Variants in CACNB2 observed in about 807,000 individuals in gnomAD.
The protein encoded by CACNB2 is voltage-dependent L-type calcium channel subunit beta-2.
A neutral mutation model predicts 73.3 loss-of-function variants in CACNB2; 42 were observed. The ratio of observed to expected loss-of-function variants is 0.57; its 90% confidence interval spans 0.45 to 0.74. CACNB2 has a LOEUF of 0.74. Among genes scored for constraint, CACNB2 ranks in the 30% least tolerant of loss-of-function variants. CACNB2 has a pLI of 0.00. For synonymous variants in CACNB2, 348 were observed against 310.3 expected (o/e 1.12, Z -1.28); for missense variants, 940 against 853.0 (o/e 1.10, Z -1.27).
chr10:18,424,548 G>T (rs560059382), intron 3 of CACNB2, among the ~76,000 whole-genome samples: 3 of 152,018 alleles, frequency 2.0e-5, no homozygotes, highest in African/African-American at 7.2e-5. Context: ...CAGTCTGGTC[G>T]GGTGTCCGAG....
At chr10:18,268,521 G>A (rs1402073619) in intron 2 of CACNB2, among the ~76,000 whole-genome samples, 2 of 152,180 alleles carry the variant, frequency 1.3e-5, no homozygotes, top group African/African-American at 4.8e-5. Flanking sequence ...AAATTAAGAC[G>A]TAGAGCAATG....
intron 2 of CACNB2, among the ~76,000 whole-genome samples, chr10:18,288,982 T>G (rs1480479414): frequency 6.6e-6 from 1 of 152,016 alleles, no homozygotes; most frequent in Non-Finnish European, 1.5e-5. Context: ...GAGGCAGAGA[T>G]TACAGTGAGC....
At chr10:18,391,607 G>A (rs1197408377) in intron 2 of CACNB2, among the ~76,000 whole-genome samples, 6 of 151,966 alleles carry the variant, frequency 3.9e-5, no homozygotes, top group Admixed American at 1.3e-4. Context: ...AAACAATATC[G>A]TAAGTAAATT....
At chr10:18,490,237 C>G (rs1435446579) in intron 3 of CACNB2, among the ~76,000 whole-genome samples, 2 of 152,146 alleles carry the variant, frequency 1.3e-5, no homozygotes, top group Admixed American at 1.3e-4. Context: ...TTGGTACTTA[C>G]GAATTTATTT....
At chr10:18,309,434 A>G (rs2039874520) in intron 2 of CACNB2, among the ~76,000 whole-genome samples, 1 of 151,824 alleles carries the variant, frequency 6.6e-6, no homozygotes, top group Non-Finnish European at 1.5e-5. Context: ...AACAGGGTAG[A>G]CTCTTCAGAA....
At chr10:18,253,676 G>T (rs917332888) in intron 2 of CACNB2, among the ~76,000 whole-genome samples, 4 of 152,120 alleles carry the variant, frequency 2.6e-5, no homozygotes, top group African/African-American at 9.7e-5. Flanking sequence ...TTTAAGACAT[G>T]AATATGCCTC....
At chr10:18,269,449 G>A (rs2037953332) in intron 2 of CACNB2, among the ~76,000 whole-genome samples, 1 of 152,084 alleles carries the variant, frequency 6.6e-6, no homozygotes, top group South Asian at 2.1e-4. Context: ...ATTCCTTCAG[G>A]TGGTCATGAG....
chr10:18,214,988 C>A (rs537505557), intron 2 of CACNB2, among the ~76,000 whole-genome samples: 3 of 152,264 alleles, frequency 2.0e-5, no homozygotes, highest in Non-Finnish European at 4.4e-5. Flanking sequence ...GAATTATTTA[C>A]ATGGATTTAG....
At chr10:18,171,001 G>A (rs937785714) in intron 2 of CACNB2, among the ~76,000 whole-genome samples, 13 of 152,246 alleles carry the variant, frequency 8.5e-5, no homozygotes, top group East Asian at 3.9e-4. Flanking sequence ...GCTCAAGACC[G>A]TGTGTGCTCT....
intron 2 of CACNB2, among the ~76,000 whole-genome samples, chr10:18,361,207 A>G (rs1472218777): frequency 1.3e-5 from 2 of 151,916 alleles, no homozygotes; most frequent in East Asian, 1.9e-4. Context: ...TAGCCATCCT[A>G]AAGTAGACTT....
At chr10:18,322,794 G>A (rs59042995) in intron 2 of CACNB2, among the ~76,000 whole-genome samples, 29,016 of 151,796 alleles carry the variant, frequency 0.19, 2,913 homozygotes, top group Middle Eastern at 0.29. Context: ...TAGACTTGTA[G>A]TGCTTTTACA....
chr10:18,297,397 A>AT (rs923847083), intron 2 of CACNB2, among the ~76,000 whole-genome samples: 8 of 151,752 alleles, frequency 5.3e-5, no homozygotes, highest in Middle Eastern at 3.4e-3. Context: ...ATTTAGAAGA[A>AT]TTTTTTTTTA....
chr10:18,353,596 G>C (rs576358382), intron 2 of CACNB2, among the ~76,000 whole-genome samples: 44 of 152,218 alleles, frequency 2.9e-4, no homozygotes, highest in African/African-American at 1.1e-3. Flanking sequence ...ACACATCAAA[G>C]TAAAATTAAC....
chr10:18,383,866 C>T (rs895732483), intron 2 of CACNB2, among the ~76,000 whole-genome samples: 4 of 152,026 alleles, frequency 2.6e-5, no homozygotes, highest in Non-Finnish European at 5.9e-5. Flanking sequence ...CCACCACGCC[C>T]GGCTAATTTT....
chr10:18,380,749 C>A (rs1479619395), intron 2 of CACNB2, among the ~76,000 whole-genome samples: 2 of 151,886 alleles, frequency 1.3e-5, no homozygotes, highest in East Asian at 3.9e-4. Context: ...GCCACCACGC[C>A]CCGCCAAAAC....
intron 3 of CACNB2, among the ~76,000 whole-genome samples, chr10:18,447,330 A>G (rs1383472410): frequency 6.6e-6 from 1 of 152,228 alleles, no homozygotes; most frequent in Non-Finnish European, 1.5e-5. Context: ...AAGTAGAGCT[A>G]AGATGAGAGA....
intron 2 of CACNB2, among the ~76,000 whole-genome samples, chr10:18,346,243 G>A (rs554446087): frequency 1.3e-5 from 2 of 151,872 alleles, no homozygotes; most frequent in South Asian, 2.1e-4. Flanking sequence ...GGGTTCAAAC[G>A]ATTCTCCTGC....
chr10:18,432,032 G>T (rs2045914010), intron 3 of CACNB2, among the ~76,000 whole-genome samples: 1 of 152,126 alleles, frequency 6.6e-6, no homozygotes, highest in South Asian at 2.1e-4. Context: ...CAAAGAGCTG[G>T]GATTACAGGC....
chr10:18,513,750 C>T (rs1356250887), intron 6 of CACNB2: 1 of 206,560 alleles, frequency 4.8e-6, no homozygotes, highest in African/African-American at 2.4e-5. Flanking sequence ...AACATAACCA[C>T]ATTTATTTAA....
Sources: gnomAD v4.1 joint callset for allele counts (sites outside exome capture counted in the v4.1 genomes callset) on GRCh38, gnomAD v4.1.1 for gene constraint, MANE v1.5 for transcripts, NCBI Gene and HGNC (gene_info 2026-07-23, HGNC 2026-07-21) for gene names.